BABAM2: variants seen among roughly 807,000 people sequenced by gnomAD.
The protein encoded by BABAM2 is BRISC and BRCA1-A complex member 2.
Under a neutral mutation model 54.7 loss-of-function variants are expected in BABAM2, and 31 were observed. The ratio of observed to expected loss-of-function variants is 0.57; its 90% confidence interval spans 0.43 to 0.77. The LOEUF is 0.77. Among genes scored for constraint, BABAM2 ranks in the 30% least tolerant of loss-of-function variants. The probability of loss-of-function intolerance (pLI) is 0.00; values close to 1 mark genes in which losing one functional copy is unlikely to be tolerated. For missense variants in BABAM2, 364 were observed against 455.8 expected (o/e 0.80, Z 1.83); for synonymous variants, 167 against 162.9 (o/e 1.03, Z -0.19).
At chr2:28,115,398 G>A (rs919825471) in intron 6 of BABAM2, among the ~76,000 whole-genome samples, 2 of 152,148 alleles carry the variant, frequency 1.3e-5, no homozygotes, top group African/African-American at 2.4e-5. Flanking sequence ...AGGCCAAGGC[G>A]GGCGGATCAC....
intron 3 of BABAM2, among the ~76,000 whole-genome samples, chr2:27,960,472 C>G (rs555121017): frequency 6.6e-6 from 1 of 151,890 alleles, no homozygotes; most frequent in Non-Finnish European, 1.5e-5. Context: ...TTCTCCCCAG[C>G]TAGCATTCTG....
chr2:28,011,412 T>A (rs1304478802), intron 4 of BABAM2, among the ~76,000 whole-genome samples: 1 of 152,154 alleles, frequency 6.6e-6, no homozygotes, highest in East Asian at 1.9e-4. Flanking sequence ...TGGGGTAGTC[T>A]CGTTTTCATT....
chr2:28,116,030 G>C (rs750934674), intron 6 of BABAM2, among the ~76,000 whole-genome samples: 1 of 151,728 alleles, frequency 6.6e-6, no homozygotes, highest in African/African-American at 2.4e-5. Flanking sequence ...CAGGAGAATC[G>C]CTTGAACCTG....
intron 7 of BABAM2, among the ~76,000 whole-genome samples, chr2:28,222,008 G>A (rs895025341): frequency 6.6e-6 from 1 of 152,202 alleles, no homozygotes; most frequent in African/African-American, 2.4e-5. Flanking sequence ...GCCCCAGACT[G>A]TATTGAGAAG....
intron 6 of BABAM2, among the ~76,000 whole-genome samples, chr2:28,081,534 G>A (rs1424779783): frequency 6.6e-6 from 1 of 152,134 alleles, no homozygotes; most frequent in African/African-American, 2.4e-5. Context: ...ATGAATGCGT[G>A]GGAATTGTGG....
intron 7 of BABAM2, among the ~76,000 whole-genome samples, chr2:28,228,040 T>C (rs1339963627): frequency 6.6e-6 from 1 of 152,230 alleles, no homozygotes; most frequent in Non-Finnish European, 1.5e-5. Context: ...GGTTTCTTTC[T>C]TCTCTCTACA....
At chr2:28,236,873 A>G (rs1681964446) in intron 7 of BABAM2, among the ~76,000 whole-genome samples, 1 of 152,234 alleles carries the variant, frequency 6.6e-6, no homozygotes. Context: ...TGCCCAGCAA[A>G]GAATTGGGCA....
intron 6 of BABAM2, among the ~76,000 whole-genome samples, chr2:28,051,938 C>T (rs376535624): frequency 5.6e-4 from 85 of 152,212 alleles, no homozygotes; most frequent in African/African-American, 1.5e-3. Context: ...GCATGAGCCA[C>T]CATGCCTGGC....
intron 7 of BABAM2, among the ~76,000 whole-genome samples, chr2:28,198,432 C>T (rs943700319): frequency 6.0e-4 from 92 of 152,240 alleles, no homozygotes; most frequent in African/African-American, 2.1e-3. Context: ...TCCCAAAGTG[C>T]TGGGATTACA....
At chr2:27,893,221 C>G (rs940456632) in intron 1 of BABAM2, among the ~76,000 whole-genome samples, 7 of 152,160 alleles carry the variant, frequency 4.6e-5, no homozygotes, top group African/African-American at 1.2e-4. Flanking sequence ...AAGAGGCTTT[C>G]ATTTAGAAAT....
chr2:28,296,320 ACT>A (rs1238427873), intron 10 of BABAM2, among the ~76,000 whole-genome samples: 2 of 152,176 alleles, frequency 1.3e-5, no homozygotes, highest in African/African-American at 2.4e-5. Flanking sequence ...TATACTATGA[ACT>A]CTCTGCTTTG....
Position 27,995,260 on chromosome 2 carries a change from A to T in BABAM2, c.300+7173A>T, listed in dbSNP as rs1035098200. 6.6e-6 allele frequency among the ~76,000 whole-genome samples: 1 copy of T among 152,144 alleles called. No homozygotes were observed. The highest frequency in any genetic ancestry group is 6.5e-5 in the Admixed American group (1 of 15,274). ...TTTCAGTGAAACAGGCTGGAGGATG[A>T]GCACTAATAGGTCTTCTGCATGGCT... On this transcript the variant is annotated intron_variant, in intron 4 of 11. Coordinates refer to ENST00000379624, the MANE Select transcript of BABAM2 (RefSeq NM_199191.3). The surrounding 1 kb of genome is among the most constrained non-coding windows in gnomAD (Gnocchi z 4.1).
chr2:28,290,560 GA>G (rs1687203320), intron 10 of BABAM2, among the ~76,000 whole-genome samples: 2 of 152,256 alleles, frequency 1.3e-5, no homozygotes, highest in Non-Finnish European at 2.9e-5. Context: ...AGCCTTTACT[GA>G]GTGTTTCTCA....
chr2:28,047,529 G>A (rs1241882999), intron 6 of BABAM2, among the ~76,000 whole-genome samples: 1 of 152,096 alleles, frequency 6.6e-6, no homozygotes, highest in Non-Finnish European at 1.5e-5. Context: ...TCATATTCTT[G>A]AAGGGTCAAA....
At chr2:27,937,920 A>T (rs1668604669) in intron 3 of BABAM2, among the ~76,000 whole-genome samples, 1 of 152,202 alleles carries the variant, frequency 6.6e-6, no homozygotes. Flanking sequence ...GTTTTCTTCT[A>T]GTAGTTTCAT....
intron 10 of BABAM2, among the ~76,000 whole-genome samples, chr2:28,297,364 A>G (rs1302269944): frequency 1.1e-4 from 17 of 152,318 alleles, no homozygotes; most frequent in Admixed American, 2.0e-4. Context: ...AGAAAATTCT[A>G]TACTTGTTTT....
chr2:28,184,143 T>C (rs1425658304), intron 7 of BABAM2, among the ~76,000 whole-genome samples: 1 of 152,162 alleles, frequency 6.6e-6, no homozygotes, highest in Non-Finnish European at 1.5e-5. Context: ...GTGAAAACTT[T>C]ACAGATCCAG....
intron 4 of BABAM2, among the ~76,000 whole-genome samples, chr2:28,001,554 C>G (rs1026885673): frequency 6.6e-6 from 1 of 152,110 alleles, no homozygotes; most frequent in African/African-American, 2.4e-5. Flanking sequence ...AAAGTGTGTT[C>G]TTGTGTTGCT....
chr2:28,079,513 TAAAGA>T (rs1405416290), intron 6 of BABAM2, among the ~76,000 whole-genome samples: 1 of 152,206 alleles, frequency 6.6e-6, no homozygotes, highest in East Asian at 1.9e-4. Flanking sequence ...TATAGCTTAC[TAAAGA>T]AAAGTTTTAT....
Sources: allele counts gnomAD v4.1 joint callset (sites outside exome capture counted in the v4.1 genomes callset), GRCh38; gene constraint gnomAD v4.1.1; non-coding constraint Gnocchi (gnomAD v3.1); transcripts MANE v1.5; gene names NCBI Gene and HGNC (gene_info 2026-07-23, HGNC 2026-07-21).